STK3: variants seen among roughly 807,000 people sequenced by gnomAD.
STK3 encodes serine/threonine-protein kinase 3.
In STK3, 41 loss-of-function variants were observed where a neutral mutation model predicts 58.0. The observed-to-expected ratio is 0.71, with a 90% CI of 0.55 to 0.92. The LOEUF (loss-of-function observed/expected upper bound fraction) is 0.92. Ranked by LOEUF, STK3 falls within the 40% of genes least tolerant of loss-of-function variation. STK3 has a pLI of 0.00. For missense variants in STK3, 479 were observed against 602.7 expected (o/e 0.79, Z 2.15); for synonymous variants, 170 against 191.0 (o/e 0.89, Z 0.91).
At chr8:98,879,492 T>C (rs1239722974), downstream of STK3, 1 of 152,198 alleles carries the variant, frequency 6.6e-6, no homozygotes, top group Non-Finnish European at 1.5e-5. Context: ...TCAATTCAAT[T>C]TTTTTCAGTA....
At chr8:98,688,729 A>G (rs1428490711) in intron 6 of STK3, among the ~76,000 whole-genome samples, 1 of 152,176 alleles carries the variant, frequency 6.6e-6, no homozygotes, top group Non-Finnish European at 1.5e-5. Context: ...AAAAAATGAA[A>G]ACAGAGACAC....
At chr8:98,680,008 T>G (rs1823508688) in intron 6 of STK3, among the ~76,000 whole-genome samples, 1 of 152,166 alleles carries the variant, frequency 6.6e-6, no homozygotes, top group Admixed American at 6.5e-5. Flanking sequence ...TACTAAAAAG[T>G]AAGCAAAACT....
chr8:98,605,083 T>C (rs57950559), intron 6 of STK3, among the ~76,000 whole-genome samples: 4,441 of 152,198 alleles, frequency 0.029, 197 homozygotes, highest in African/African-American at 0.1. Flanking sequence ...TATCAACATT[T>C]TGGTCACAAT....
chr8:98,472,847 C>A (rs1018344767), intron 10 of STK3, among the ~76,000 whole-genome samples: 8 of 151,690 alleles, frequency 5.3e-5, no homozygotes, highest in Admixed American at 4.6e-4. Context: ...CTAGCAAAAC[C>A]CACATAACAA....
rs527835933 is a variant in STK3, at chr8:98,669,460, A to G, written c.684+37007T>C. Among the ~76,000 whole-genome samples, 375 of 152,310 alleles carry G rather than the reference A, an allele frequency of 2.5e-3. 1 individual carries two copies. The highest frequency in any genetic ancestry group is 8.5e-3 in the African/African-American group (354 of 41,560). On this transcript the variant is annotated intron_variant, in intron 6 of 10. Coordinates refer to ENST00000419617, the MANE Select transcript of STK3 (RefSeq NM_006281.4). ...ATGTGTGTTTTTGGTTGGTTCAAAT[A>G]CAGGAAGACACCCTTTGTATACATT...
intron 8 of STK3, among the ~76,000 whole-genome samples, chr8:98,574,306 T>C (rs1813211889): frequency 6.6e-6 from 1 of 152,178 alleles, no homozygotes; most frequent in Non-Finnish European, 1.5e-5. Context: ...GACTTGTCGA[T>C]TTTGTAAATC....
At chr8:98,576,116 G>C (rs1287495229) in intron 8 of STK3, among the ~76,000 whole-genome samples, 1 of 152,154 alleles carries the variant, frequency 6.6e-6, no homozygotes, top group Non-Finnish European at 1.5e-5. Flanking sequence ...TCTTTTACAT[G>C]TGGCTATCCA....
intron 6 of STK3, among the ~76,000 whole-genome samples, chr8:98,695,284 C>T (rs1210372037): frequency 1.3e-5 from 2 of 152,130 alleles, no homozygotes; most frequent in Non-Finnish European, 2.9e-5. Flanking sequence ...AATTTCCTCC[C>T]ATTGTGTAGG....
At chr8:98,591,863 T>C (rs1045970420) in intron 7 of STK3, among the ~76,000 whole-genome samples, 2 of 152,226 alleles carry the variant, frequency 1.3e-5, no homozygotes, top group African/African-American at 2.4e-5. Flanking sequence ...AAGTATAATG[T>C]AGTTTGAATT....
chr8:98,344,079 A>G, the STK3 span, among the ~76,000 whole-genome samples: 183 of 152,316 alleles, frequency 1.2e-3, no homozygotes, highest in African/African-American at 4.2e-3. Context: ...TACTAAAATT[A>G]CTTTTAGTTT....
chr8:98,765,662 G>A (rs1830898205), intron 3 of STK3, among the ~76,000 whole-genome samples: 1 of 152,220 alleles, frequency 6.6e-6, no homozygotes, highest in South Asian at 2.1e-4. Context: ...TGGGGCTGTA[G>A]CAGCCCTGTT....
chr8:98,614,638 C>G (rs1359357451), intron 6 of STK3, among the ~76,000 whole-genome samples: 1 of 152,202 alleles, frequency 6.6e-6, no homozygotes, highest in Non-Finnish European at 1.5e-5. Flanking sequence ...GAGGCATTGC[C>G]TCACCTGGGA....
intron 2 of STK3, among the ~76,000 whole-genome samples, chr8:98,768,648 G>A (rs2131452871): frequency 6.6e-6 from 1 of 152,276 alleles, no homozygotes; most frequent in Non-Finnish European, 1.5e-5. Flanking sequence ...ATCATCTACT[G>A]TCAATTAGGC....
In STK3 at chr8:98,494,861, A is replaced by T. The variant is rs1290161424; in HGVS notation, c.1317+31881T>A. ...CTACTGTGGAAGAGAGAACAGCAGG[A>T]AAAAACTGGAGAGACACCAGGAGCC... On this transcript the variant is annotated intron_variant, in intron 10 of 10. Transcript: ENST00000419617. Among the ~76,000 whole-genome samples, 4 of 151,778 alleles carry T rather than the reference A, an allele frequency of 2.6e-5. No individual in the cohort carries two copies. The East Asian group carries it at 5.8e-4, about 22-fold the overall frequency.
chr8:98,648,828 T>G (rs1021577377), intron 6 of STK3, among the ~76,000 whole-genome samples: 1 of 151,396 alleles, frequency 6.6e-6, no homozygotes, highest in Non-Finnish European at 1.5e-5. Context: ...GAGGCGGAAG[T>G]TGCAGTGAGC....
chr8:98,583,981 C>T (rs1814189355), intron 7 of STK3, among the ~76,000 whole-genome samples: 1 of 151,772 alleles, frequency 6.6e-6, no homozygotes, highest in East Asian at 1.9e-4. Context: ...CAACCTAAAC[C>T]TTCTCTCTGT....
intron 10 of STK3, among the ~76,000 whole-genome samples, chr8:98,492,645 A>C (rs1204810305): frequency 6.6e-6 from 1 of 152,170 alleles, no homozygotes; most frequent in Non-Finnish European, 1.5e-5. Flanking sequence ...TAGATAAATC[A>C]AGAAGACCTA....
upstream of STK3, among the ~76,000 whole-genome samples, chr8:98,826,019 T>G (rs866168310): frequency 6.6e-6 from 1 of 151,470 alleles, no homozygotes; most frequent in Middle Eastern, 3.4e-3. Flanking sequence ...GACGAAGGCC[T>G]GGCTGGCCCC....
intron 3 of STK3, among the ~76,000 whole-genome samples, chr8:98,875,027 C>T (rs1837519069): frequency 6.6e-6 from 1 of 152,120 alleles, no homozygotes; most frequent in South Asian, 2.1e-4. Flanking sequence ...TATCCATTAC[C>T]CAGTGAGTGT....
Sources: gnomAD v4.1 joint callset for allele counts (sites outside exome capture counted in the v4.1 genomes callset) on GRCh38, gnomAD v4.1.1 for gene constraint, MANE v1.5 for transcripts, NCBI Gene and HGNC (gene_info 2026-07-23, HGNC 2026-07-21) for gene names.